ABCG8: variants seen among roughly 807,000 people sequenced by gnomAD.
ABCG8 encodes ATP binding cassette subfamily G member 8, also known as ATP-binding cassette sub-family G member 8.
ABCG8 carries 81 observed loss-of-function variants against 71.3 expected under a neutral mutation model. That is an observed-to-expected ratio of 1.14 (90% CI 0.95 to 1.37). The LOEUF is 1.37. Ranked by LOEUF, ABCG8 falls within the 40% of genes most tolerant of loss-of-function variation. The pLI is 0.00. For missense variants in ABCG8, 1,119 were observed against 866.2 expected (o/e 1.29, Z -3.66); for synonymous variants, 451 against 354.7 (o/e 1.27, Z -3.05).
chr2:43,842,351 A>G (rs778461352), intron 1 of ABCG8, among the ~76,000 whole-genome samples: 1 of 152,206 alleles, frequency 6.6e-6, no homozygotes, highest in African/African-American at 2.4e-5. Flanking sequence ...AACAACAACA[A>G]CAAAAATGGG....
intron 6 of ABCG8, among the ~76,000 whole-genome samples, chr2:43,868,479 G>A (rs1669614956): frequency 6.6e-6 from 1 of 151,740 alleles, no homozygotes; most frequent in South Asian, 2.1e-4. Flanking sequence ...TCTGTCTCTG[G>A]ATAGAAGTCT....
At chr2:43,851,883 C>T in intron 4 of ABCG8, 61 bp downstream of exon 4, 1 of 1,561,244 alleles carries the variant, frequency 6.4e-7, no homozygotes, top group Non-Finnish European at 8.8e-7. Flanking sequence ...CCATGCCCCG[C>T]TCCTCCCCTG....
intron 6 of ABCG8, among the ~76,000 whole-genome samples, chr2:43,857,245 C>T (rs117940245): frequency 2.0e-5 from 3 of 150,040 alleles, no homozygotes; most frequent in Non-Finnish European, 4.5e-5. Context: ...GAATTCTCAC[C>T]ATCTGGACAG....
chr2:43,881,879 A>G lies in ABCG8; in HGVS notation c.*3966A>G, dbSNP rs1572875381. Reference sequence around the variant, plus strand: ...AAATATTTGGGACTTCGTGGGCCTTATAGGCTCTGCTGCAATTACTTAACT... The same window carrying G: ...AAATATTTGGGACTTCGTGGGCCTTGTAGGCTCTGCTGCAATTACTTAACT... On this transcript the variant is annotated 3_prime_UTR_variant, in exon 13 of 13. Coordinates refer to ENST00000272286, the MANE Select transcript of ABCG8 (RefSeq NM_022437.3). 6.6e-6 allele frequency: 1 copy of G among 152,196 alleles called. No individual in the cohort carries two copies. 9.4% of individuals were successfully genotyped at this position (152,196 alleles called of 1,614,324 possible).
Position 43,851,616 on chromosome 2 carries a change from A to G in ABCG8, c.355A>G (p.Thr119Ala). 6.2e-7 allele frequency: 1 copy of G among 1,614,224 alleles called. No individual in the cohort carries two copies. The highest frequency in any genetic ancestry group is 8.5e-7 in the Non-Finnish European group (1 of 1,180,034). ...GAGAGCCTCCTTGCTAGATGTGATC[A>G]CTGGCCGAGGTCACGGCGGCAAGAT... ...CGRASLLDVI[T>A]GRGHGGKIKS... The change falls in exon 4 of 13, where the codon ACT becomes GCT. Residue 119 changes from threonine to alanine, a missense_variant. Thr to Ala is a moderately conservative substitution (Grantham distance 58, BLOSUM62 0). Coordinates refer to ENST00000272286, the MANE Select transcript of ABCG8 (RefSeq NM_022437.3).
chr2:43,877,712 C>A, intron 12 of ABCG8, 24 bp downstream of exon 12: 1 of 1,614,082 alleles, frequency 6.2e-7, no homozygotes. Context: ...GCCTCGGGTT[C>A]TAAATTATTG....
intron 6 of ABCG8, among the ~76,000 whole-genome samples, chr2:43,859,591 A>G (rs1452522020): frequency 6.7e-6 from 1 of 150,260 alleles, no homozygotes; most frequent in African/African-American, 2.4e-5. Flanking sequence ...GTCGCTATCA[A>G]TCTGGATAGA....
In ABCG8 at chr2:43,880,524, C is replaced by G. The variant is rs1670102279; in HGVS notation, c.*2611C>G. On this transcript the variant is annotated 3_prime_UTR_variant, in exon 13 of 13. Coordinates refer to ENST00000272286, the MANE Select transcript of ABCG8 (RefSeq NM_022437.3). ...ATCTCAGCCCTGGAATCCGATGTTT[C>G]TCCAGAGAATCTGGGTTCCTCTTAG... is the stretch of plus-strand genomic sequence containing the variant. 6.6e-6 allele frequency: 1 copy of G among 152,186 alleles called. No individual in the cohort carries two copies. The highest frequency in any genetic ancestry group is 2.4e-5 in the African/African-American group (1 of 41,450). 9.4% of individuals were successfully genotyped at this position (152,186 alleles called of 1,614,324 possible).
chr2:43,857,908 A>G (rs573469511), intron 6 of ABCG8, among the ~76,000 whole-genome samples: 1 of 151,732 alleles, frequency 6.6e-6, no homozygotes, highest in Non-Finnish European at 1.5e-5. Flanking sequence ...ATCAATCTGG[A>G]TATAATTCTC....
At chr2:43,873,712 G>A (rs1669857686) in intron 8 of ABCG8, 75 bp from the exon 9 acceptor site, 16 of 1,476,242 alleles carry the variant, frequency 1.1e-5, no homozygotes, top group Non-Finnish European at 1.5e-5. Flanking sequence ...GAGGCTTATG[G>A]AGACTGTGAC....
rs1307385002 is a variant in ABCG8 at position 43,879,231 on chromosome 2, C to T, written c.*1318C>T. On this transcript the variant is annotated 3_prime_UTR_variant, in exon 13 of 13. Coordinates refer to ENST00000272286, the MANE Select transcript of ABCG8 (RefSeq NM_022437.3). ...TGCCTGAGTGTTGGGGACTATCTGA[C>T]CCAAAACAGGTGCACAGAGGGCAGG... The T allele has an allele frequency of 1.3e-5, 2 of 152,156 alleles. No individual in the cohort carries two copies. Among genetic ancestry groups the T allele is most frequent in the African/African-American group, 4.8e-5 (2 of 41,376 alleles). 9.4% of individuals were successfully genotyped at this position (152,156 alleles called of 1,614,324 possible). A position where few individuals can be genotyped will look rare whatever the true frequency, so the allele number is the denominator to read the frequency against.
At position 43,881,804 on chromosome 2, in the gene ABCG8, C is replaced by T. The variant is rs1670139256; in HGVS notation, c.*3891C>T. On this transcript the variant is annotated 3_prime_UTR_variant, in exon 13 of 13. Coordinates refer to ENST00000272286, the MANE Select transcript of ABCG8 (RefSeq NM_022437.3). ...AAAGGGTAGAGATTTGTTTATTTGT[C>T]AGTATTGAAAGCATGGCTTGCAAAG... The T allele has an allele frequency of 6.6e-6, 1 of 151,644 alleles. No homozygotes were observed. The highest frequency in any genetic ancestry group is 2.4e-5 in the African/African-American group (1 of 41,234). 9.4% of individuals were successfully genotyped at this position (151,644 alleles called of 1,614,324 possible).
Position 43,874,977 on chromosome 2 carries a change from G to A in ABCG8, c.1489-169G>A, listed in dbSNP as rs546293030. On this transcript the variant is annotated intron_variant, in intron 10 of 12. Coordinates refer to ENST00000272286, the MANE Select transcript of ABCG8 (RefSeq NM_022437.3). ...GGGAGCATTTGGTATCTGCAAGGGG[G>A]AGGCCAGCACTGAGCTCATGCTCCT... is the stretch of plus-strand genomic sequence containing the variant. 2.6e-5 allele frequency among the ~76,000 whole-genome samples: 4 copies of A among 152,270 alleles called. No homozygotes were observed. The East Asian group carries it at 7.7e-4, about 29-fold the overall frequency.
chr2:43,874,314 C>A, intron 9 of ABCG8, 93 bp from the exon 10 acceptor site: 1 of 1,103,346 alleles, frequency 9.1e-7, no homozygotes, highest in Non-Finnish European at 1.4e-6. Context: ...AATATGATAA[C>A]TACTTTGAAT....
At chr2:43,863,460 C>T (rs1378144946) in intron 6 of ABCG8, among the ~76,000 whole-genome samples, 2 of 150,866 alleles carry the variant, frequency 1.3e-5, no homozygotes, top group African/African-American at 4.9e-5. Flanking sequence ...AATTCCTACT[C>T]TCTGGATAAA....
chr2:43,867,918 G>A (rs530915712), intron 6 of ABCG8, among the ~76,000 whole-genome samples: 72 of 150,092 alleles, frequency 4.8e-4, no homozygotes, highest in Non-Finnish European at 8.4e-4. Flanking sequence ...TGACTCGCTG[G>A]ATAAAACTCT....
At chr2:43,855,869 T>A (rs572275562) in intron 6 of ABCG8, among the ~76,000 whole-genome samples, 2 of 150,622 alleles carry the variant, frequency 1.3e-5, no homozygotes, top group East Asian at 3.9e-4. Context: ...TCACTCACTG[T>A]ATAGAACTCT....
intron 11 of ABCG8, among the ~76,000 whole-genome samples, chr2:43,876,419 A>AGACCATGGGAATG (rs1669959957): frequency 2.0e-5 from 3 of 152,134 alleles, no homozygotes; most frequent in Non-Finnish European, 4.4e-5. Flanking sequence ...CCATGGGAAT[A>AGACCATGGGAATG]TGGGGAGACT....
chr2:43,851,912 C>G (rs2104919307), intron 4 of ABCG8, 90 bp downstream of exon 4: 2 of 1,429,518 alleles, frequency 1.4e-6, no homozygotes, highest in East Asian at 4.5e-5. Context: ...CCTCAGGACC[C>G]AGCCGCAGGT....
Sources: gnomAD v4.1 joint callset for allele counts (sites outside exome capture counted in the v4.1 genomes callset) on GRCh38, gnomAD v4.1.1 for gene constraint, MANE v1.5 for transcripts, NCBI Gene and HGNC (gene_info 2026-07-23, HGNC 2026-07-21) for gene names.